HCN1: variants seen among roughly 807,000 people sequenced by gnomAD.
The protein encoded by HCN1 is potassium/sodium hyperpolarization-activated cyclic nucleotide-gated channel 1.
A neutral mutation model predicts 78.9 loss-of-function variants in HCN1; 13 were observed. The observed-to-expected ratio is 0.16, with a 90% CI of 0.11 to 0.26. HCN1 has a LOEUF of 0.26. Among genes scored for constraint, HCN1 ranks in the 10% least tolerant of loss-of-function variants. The pLI is 1.00. For missense variants in HCN1, 810 were observed against 1,154.3 expected, an observed-to-expected ratio of 0.70 and a Z score of 4.32; for synonymous variants, 552 against 455.5, an observed-to-expected ratio of 1.21 and a Z score of -2.70.
intron 2 of HCN1, among the ~76,000 whole-genome samples, chr5:45,507,583 T>A (rs1225567632): frequency 1.3e-5 from 2 of 152,106 alleles, no homozygotes; most frequent in African/African-American, 4.8e-5. Context: ...AAACATCCTT[T>A]TCAAAGAGAA....
At chr5:45,679,480 T>A (rs1036824329) in intron 1 of HCN1, among the ~76,000 whole-genome samples, 1 of 152,044 alleles carries the variant, frequency 6.6e-6, no homozygotes, top group Non-Finnish European at 1.5e-5. Flanking sequence ...AAAATAACTA[T>A]GATGGAGAAT....
In HCN1 at chr5:45,259,387, T is replaced by C; in HGVS notation, c.*2534A>G. 6.6e-6 allele frequency: 1 copy of C among 152,378 alleles called. No individual in the cohort carries two copies. Among genetic ancestry groups the C allele is most frequent in the East Asian group, 1.9e-4 (1 of 5,200 alleles). The allele number at this position is 152,378 out of a possible 1,614,324, so 9.4% of individuals were successfully genotyped here. A position where few individuals can be genotyped will look rare whatever the true frequency, so the allele number is the denominator to read the frequency against. On this transcript the variant is annotated 3_prime_UTR_variant, in exon 8 of 8. Transcript: ENST00000303230. The stretch of plus-strand genomic sequence containing the variant: ...TAAGAATCAGCTATTCTATTATCTT[T>C]CCAGCAGCAGAAAGACCAATGAATA...
intron 2 of HCN1, among the ~76,000 whole-genome samples, chr5:45,476,541 T>G (rs113828081): frequency 9.8e-4 from 150 of 152,288 alleles, no homozygotes; most frequent in Non-Finnish European, 1.6e-3. Context: ...CTTTAAAAAC[T>G]TAGGTCTCAG....
chr5:45,606,680 G>A (rs1441399124), intron 2 of HCN1, among the ~76,000 whole-genome samples: 3 of 151,664 alleles, frequency 2.0e-5, no homozygotes, highest in Non-Finnish European at 2.9e-5. Context: ...ACTCAATCCC[G>A]AAAGGTAAAA....
intron 5 of HCN1, among the ~76,000 whole-genome samples, chr5:45,319,908 A>G (rs768148942): frequency 5.3e-5 from 8 of 151,920 alleles, no homozygotes; most frequent in Non-Finnish European, 8.8e-5. Flanking sequence ...TATATTGATA[A>G]CTTAAATATC....
intron 3 of HCN1, among the ~76,000 whole-genome samples, chr5:45,433,000 C>G (rs1740494438): frequency 6.6e-6 from 1 of 152,012 alleles, no homozygotes; most frequent in South Asian, 2.1e-4. Context: ...ATAAAACCAT[C>G]ATATCTCATG....
At chr5:45,583,873 C>A (rs1450986194) in intron 2 of HCN1, among the ~76,000 whole-genome samples, 1 of 152,136 alleles carries the variant, frequency 6.6e-6, no homozygotes, top group Non-Finnish European at 1.5e-5. Context: ...AGTTTGATTG[C>A]AAAATCTGTG....
intron 2 of HCN1, among the ~76,000 whole-genome samples, chr5:45,621,526 A>G (rs1256600424): frequency 1.3e-5 from 2 of 152,196 alleles, no homozygotes; most frequent in Non-Finnish European, 2.9e-5. Flanking sequence ...AATAATTGTA[A>G]AGCATGGGGG....
At chr5:45,423,891 G>A (rs183795435) in intron 3 of HCN1, among the ~76,000 whole-genome samples, 11 of 152,120 alleles carry the variant, frequency 7.2e-5, no homozygotes, top group African/African-American at 2.4e-4. Flanking sequence ...TTGAGAGAAA[G>A]AACTATGCTT....
chr5:45,301,202 A>G (rs1439478757), intron 6 of HCN1, among the ~76,000 whole-genome samples: 1 of 151,668 alleles, frequency 6.6e-6, no homozygotes, highest in South Asian at 2.1e-4. Flanking sequence ...AAGTTAGCAG[A>G]AAGGATGAAA....
At chr5:45,267,877 A>G (rs1487291182) in intron 6 of HCN1, among the ~76,000 whole-genome samples, 1 of 152,228 alleles carries the variant, frequency 6.6e-6, no homozygotes. Flanking sequence ...GAAATAAGAA[A>G]TAAAGAAAAA....
At chr5:45,454,239 G>A (rs1017876978) in intron 3 of HCN1, among the ~76,000 whole-genome samples, 3 of 152,070 alleles carry the variant, frequency 2.0e-5, no homozygotes, top group South Asian at 2.1e-4. Context: ...CATCTGAGAA[G>A]GAAGAACACA....
At chr5:45,552,121 T>C (rs1294965472) in intron 2 of HCN1, among the ~76,000 whole-genome samples, 1 of 151,908 alleles carries the variant, frequency 6.6e-6, no homozygotes, top group African/African-American at 2.4e-5. Context: ...TCCTCAAATT[T>C]TGCATCTGAG....
intron 5 of HCN1, among the ~76,000 whole-genome samples, chr5:45,326,154 T>C (rs1005352915): frequency 6.6e-6 from 1 of 151,574 alleles, no homozygotes; most frequent in African/African-American, 2.4e-5. Context: ...CATATACATT[T>C]ATATATCACA....
intron 2 of HCN1, among the ~76,000 whole-genome samples, chr5:45,473,075 C>A (rs1305093943): frequency 6.6e-6 from 1 of 151,904 alleles, no homozygotes; most frequent in Non-Finnish European, 1.5e-5. Context: ...CTCATCATCA[C>A]TTTTTTCCAT....
At chr5:45,379,827 A>T (rs915416493) in intron 4 of HCN1, among the ~76,000 whole-genome samples, 1 of 152,064 alleles carries the variant, frequency 6.6e-6, no homozygotes, top group Non-Finnish European at 1.5e-5. Context: ...ATAAAAACCA[A>T]TAGGAATGAT....
At chr5:45,534,621 A>G (rs1043720734) in intron 2 of HCN1, among the ~76,000 whole-genome samples, 5 of 151,666 alleles carry the variant, frequency 3.3e-5, no homozygotes, top group Non-Finnish European at 7.4e-5. Flanking sequence ...AAGATAACGG[A>G]GACAGACTTA....
intron 6 of HCN1, among the ~76,000 whole-genome samples, chr5:45,296,561 A>C (rs1745498598): frequency 6.6e-6 from 1 of 151,922 alleles, no homozygotes; most frequent in Non-Finnish European, 1.5e-5. Flanking sequence ...ATCTTAGCAA[A>C]ATAGACTAAA....
At chr5:45,593,553 A>T (rs1224727167) in intron 2 of HCN1, among the ~76,000 whole-genome samples, 1 of 152,064 alleles carries the variant, frequency 6.6e-6, no homozygotes, top group Admixed American at 6.6e-5. Context: ...AAGGAACCTC[A>T]TTTAACCTTG....
Sources: allele counts gnomAD v4.1 joint callset (sites outside exome capture counted in the v4.1 genomes callset), GRCh38; gene constraint gnomAD v4.1.1; transcripts MANE v1.5; gene names NCBI Gene and HGNC (gene_info 2026-07-23, HGNC 2026-07-21).